Variants in UNC5B observed in about 807,000 individuals in gnomAD.
UNC5B encodes the protein netrin receptor UNC5B.
In UNC5B, 56 loss-of-function variants were observed where a neutral mutation model predicts 103.7. The observed-to-expected ratio is 0.54, with a 90% CI of 0.44 to 0.67. The LOEUF is 0.67. Ranked by LOEUF, UNC5B falls within the 30% of genes least tolerant of loss-of-function variation. UNC5B has a pLI of 0.00. For missense variants in UNC5B, 1,194 were observed against 1,284.5 expected, an observed-to-expected ratio of 0.93 and a Z score of 1.08; for synonymous variants, 577 against 542.0, an observed-to-expected ratio of 1.06 and a Z score of -0.90.
intron 16 of UNC5B, 54 bp downstream of exon 16, chr10:71,298,144 A>T: frequency 6.5e-7 from 1 of 1,534,232 alleles, no homozygotes; most frequent in South Asian, 1.3e-5. Context: ...TCAAGGTCTC[A>T]CAGGGGCAGG....
At position 71,301,639 on chromosome 10, in the gene UNC5B, G is replaced by T. The variant is rs1424446584; in HGVS notation, c.*2362G>T. 6.6e-6 allele frequency: 1 copy of T among 152,254 alleles called. No individual in the cohort carries two copies. Among genetic ancestry groups the T allele is most frequent in the East Asian group, 1.9e-4 (1 of 5,190 alleles). The allele number at this position is 152,254 out of a possible 1,614,324, so 9.4% of individuals were successfully genotyped here. On this transcript the variant is annotated 3_prime_UTR_variant, in exon 17 of 17. Transcript: ENST00000335350. ...TAGACCACACGTGCCGTGACAGGGG[G>T]TGCCATTCCCCTCGCAGGCTCTAAT...
At chr10:71,269,118 A>T (rs895654891) in intron 1 of UNC5B, among the ~76,000 whole-genome samples, 1 of 152,216 alleles carries the variant, frequency 6.6e-6, no homozygotes, top group Non-Finnish European at 1.5e-5. Flanking sequence ...AGCATGGGAT[A>T]TGCAACTTAC....
chr10:71,289,029 G>C (rs1186121873), intron 8 of UNC5B, 39 bp downstream of exon 8: 1 of 1,614,072 alleles, frequency 6.2e-7, no homozygotes, highest in Non-Finnish European at 8.5e-7. Flanking sequence ...TCCTCTGGGG[G>C]ATCCCTGGTT....
Position 71,293,859 on chromosome 10 carries a change from G to GC in UNC5B, c.2106dup (p.Ala703ArgfsTer58), listed in dbSNP as rs1284747553. On this transcript the variant is annotated frameshift_variant, in exon 13 of 17. Coordinates refer to ENST00000335350, the MANE Select transcript of UNC5B (RefSeq NM_170744.5). LOFTEE classifies it high-confidence loss of function. Reference sequence around the variant, plus strand: ...CAAGCGGCTCCAGCTGGCCGTCTTCGCCCCCGCCCTCTGCACCTCCCTGGA... The same window carrying GC: ...CAAGCGGCTCCAGCTGGCCGTCTTCGCCCCCCGCCCTCTGCACCTCCCTGGA... 1 of 1,608,796 alleles carries GC rather than the reference G, an allele frequency of 6.2e-7. No individual in the cohort carries two copies. The highest frequency in any genetic ancestry group is 1.3e-5 in the African/African-American group (1 of 74,824).
intron 1 of UNC5B, among the ~76,000 whole-genome samples, chr10:71,266,288 T>C (rs941258595): frequency 6.6e-6 from 1 of 151,942 alleles, no homozygotes; most frequent in African/African-American, 2.4e-5. Context: ...CGCCTTCTCC[T>C]TGGCTAACCT....
At chr10:71,256,242 A>ACC (rs2132275826) in intron 1 of UNC5B, among the ~76,000 whole-genome samples, 1 of 152,030 alleles carries the variant, frequency 6.6e-6, no homozygotes, top group South Asian at 2.1e-4. Flanking sequence ...TACCCGCCAC[A>ACC]CCCCTATGCT....
In UNC5B at chr10:71,299,957, A is replaced by T. The variant is rs1034334407; in HGVS notation, c.*680A>T. On this transcript the variant is annotated 3_prime_UTR_variant, in exon 17 of 17. Coordinates refer to ENST00000335350, the MANE Select transcript of UNC5B (RefSeq NM_170744.5). The stretch of plus-strand genomic sequence containing the variant: ...AAGAAAATGAAAAACAACACAAAAA[A>T]AATAGAAAACTCTTTTCTTGAGTGT... The T allele has an allele frequency of 2.0e-5, 3 of 152,240 alleles. No homozygotes were observed. The highest frequency in any genetic ancestry group is 1.3e-4 in the Admixed American group (2 of 15,290). The allele number at this position is 152,240 out of a possible 1,614,324, so 9.4% of individuals were successfully genotyped here. A position where few individuals can be genotyped will look rare whatever the true frequency, so the allele number is the denominator to read the frequency against.
intron 1 of UNC5B, among the ~76,000 whole-genome samples, chr10:71,214,780 G>A (rs954946563): frequency 2.6e-5 from 4 of 152,258 alleles, no homozygotes; most frequent in African/African-American, 9.6e-5. Flanking sequence ...CAAGAAGGCT[G>A]GGGGTGGCCT....
chr10:71,288,960 A>G lies in UNC5B; in HGVS notation c.1069A>G (p.Lys357Glu). The G allele has an allele frequency of 6.2e-7, 1 of 1,614,102 alleles. No individual in the cohort carries two copies. The highest frequency in any genetic ancestry group is 8.5e-7 in the Non-Finnish European group (1 of 1,179,988). ...TTTCCCTTTATTTCCCTTGACAGATAAGAAAACTCTAAGCGACCCCAACAG... is the reference window on the plus strand; with the variant it reads ...TTTCCCTTTATTTCCCTTGACAGATGAGAAAACTCTAAGCGACCCCAACAG... ...NCTDGLCMQN[K>E]KTLSDPNSHL... The change falls in exon 8 of 17, where the codon AAG becomes GAG. Residue 357 changes from lysine (K) to glutamate (E), a missense_variant and splice_region_variant. Lys to Glu is a moderately conservative substitution (Grantham distance 56). Coordinates refer to ENST00000335350, the MANE Select transcript of UNC5B (RefSeq NM_170744.5).
intron 1 of UNC5B, among the ~76,000 whole-genome samples, chr10:71,227,687 C>CACATATAT (rs1564707053): frequency 0.017 from 2,305 of 135,362 alleles, 162 homozygotes; most frequent in African/African-American, 0.066. Flanking sequence ...CATATATATA[C>CACATATAT]ACATATATAT....
chr10:71,266,339 G>T (rs1050678549), intron 1 of UNC5B, among the ~76,000 whole-genome samples: 1 of 151,962 alleles, frequency 6.6e-6, no homozygotes, highest in African/African-American at 2.4e-5. Context: ...CACCCTCCCC[G>T]CTTCCTGGTG....
At chr10:71,296,092 T>C (rs1105174) in intron 14 of UNC5B, 132 bp downstream of exon 14, 1,094,930 of 1,308,274 alleles carry the variant, frequency 0.84, 462,088 homozygotes, top group East Asian at 0.87. Context: ...ACTGTCTCTG[T>C]CTCCTCCCAC....
rs769369141 is a variant in UNC5B, at chr10:71,279,942, C to A, written c.201C>A (p.Leu67=). 6 of 1,613,992 alleles carry A rather than the reference C, an allele frequency of 3.7e-6. No individual in the cohort carries two copies. Among genetic ancestry groups the A allele is most frequent in the Non-Finnish European group, 5.1e-6 (6 of 1,180,020 alleles). Residue 67 remains leucine, a synonymous_variant, in exon 2 of 17, where the codon CTC becomes CTA. Transcript: ENST00000335350. The stretch of plus-strand genomic sequence containing the variant: ...TTGTGAAGAACAAGCCTGTGGAGCT[C>A]CGCTGCCGCGCCTTCCCCGCCACAC... ...AYIVKNKPVE[L]RCRAFPATQI... is the part of the protein sequence containing the mutation.
intron 1 of UNC5B, among the ~76,000 whole-genome samples, chr10:71,258,975 C>T (rs551536104): frequency 6.2e-4 from 94 of 152,370 alleles, no homozygotes; most frequent in African/African-American, 2.2e-3. Flanking sequence ...GGGCAGGCAG[C>T]CCGTGTGAGG....
chr10:71,238,323 T>G (rs1332597393), intron 1 of UNC5B, among the ~76,000 whole-genome samples: 1 of 152,140 alleles, frequency 6.6e-6, no homozygotes, highest in Non-Finnish European at 1.5e-5. Flanking sequence ...GGCCCACTTC[T>G]CCAGAGTGGC....
Position 71,291,430 on chromosome 10 carries a change from A to G in UNC5B, c.1295-2A>G, listed in dbSNP as rs1845251788. 1 of 1,596,276 alleles carries G rather than the reference A, an allele frequency of 6.3e-7. No individual in the cohort carries two copies. Among genetic ancestry groups the G allele is most frequent in the African/African-American group, 1.3e-5 (1 of 74,510 alleles). On this transcript the variant is annotated splice_acceptor_variant, in intron 9 of 16. Transcript: ENST00000335350. LOFTEE classifies it high-confidence loss of function. ...GTCTGACTATAGCCCCTACTCCTGC[A>G]GGCAACCCGCAGCTCCTACACCCCT...
chr10:71,267,347 T>C (rs1279677741), intron 1 of UNC5B, among the ~76,000 whole-genome samples: 1 of 152,084 alleles, frequency 6.6e-6, no homozygotes, highest in Non-Finnish European at 1.5e-5. Context: ...GATTGAAAAA[T>C]CCCTATAGTC....
intron 1 of UNC5B, among the ~76,000 whole-genome samples, chr10:71,235,801 T>G (rs890985842): frequency 3.3e-5 from 5 of 152,234 alleles, no homozygotes; most frequent in African/African-American, 1.2e-4. Context: ...AATTCCAGCC[T>G]TAGAGTGCCC....
chr10:71,226,212 T>C (rs1008742924), intron 1 of UNC5B, among the ~76,000 whole-genome samples: 2 of 152,088 alleles, frequency 1.3e-5, no homozygotes, highest in African/African-American at 2.4e-5. Context: ...GTAGCTGGGA[T>C]TACAGGCGCC....
Sources: gnomAD v4.1 joint callset for allele counts (sites outside exome capture counted in the v4.1 genomes callset) on GRCh38, gnomAD v4.1.1 for gene constraint, MANE v1.5 for transcripts, NCBI Gene and HGNC (gene_info 2026-07-23, HGNC 2026-07-21) for gene names.